The following MNAT1 variants were observed in gnomAD, a reference collection of about 807,000 sequenced individuals.
MNAT1 encodes the protein MNAT1 component of CDK activating kinase.
A neutral mutation model predicts 42.0 loss-of-function variants in MNAT1; 43 were observed. The observed-to-expected ratio is 1.02, with a 90% confidence interval of 0.80 to 1.32. MNAT1 has a LOEUF of 1.32. Among genes scored for constraint, MNAT1 ranks in the 40% most tolerant of loss-of-function variants. MNAT1 has a pLI of 0.00. For synonymous variants in MNAT1, 118 were observed against 120.0 expected (o/e 0.98, Z 0.11); for missense variants, 306 against 350.4 (o/e 0.87, Z 1.01).
At chr14:60,930,154 T>G (rs2035855587) in intron 7 of MNAT1, among the ~76,000 whole-genome samples, 1 of 151,100 alleles carries the variant, frequency 6.6e-6, no homozygotes, top group African/African-American at 2.4e-5. Context: ...AGTATTTGCT[T>G]AAGAGGATAT....
intron 1 of MNAT1, among the ~76,000 whole-genome samples, chr14:60,779,661 C>A (rs1214211723): frequency 6.6e-6 from 1 of 152,046 alleles, no homozygotes; most frequent in Non-Finnish European, 1.5e-5. Context: ...TGGTGCACGC[C>A]TGTAATCCCA....
At chr14:60,843,581 T>C (rs923888825) in intron 6 of MNAT1, among the ~76,000 whole-genome samples, 2 of 152,196 alleles carry the variant, frequency 1.3e-5, no homozygotes, top group Non-Finnish European at 2.9e-5. Flanking sequence ...CGTTTGCCTT[T>C]TTTATATCTC....
At chr14:60,831,258 C>G (rs1217672934) in intron 6 of MNAT1, among the ~76,000 whole-genome samples, 1 of 152,012 alleles carries the variant, frequency 6.6e-6, no homozygotes, top group Non-Finnish European at 1.5e-5. Flanking sequence ...ATACACGAGC[C>G]ATGGTGGTTT....
At chr14:60,935,658 T>TGACA (rs2035979629) in intron 7 of MNAT1, among the ~76,000 whole-genome samples, 1 of 152,156 alleles carries the variant, frequency 6.6e-6, no homozygotes, top group Admixed American at 6.5e-5. Flanking sequence ...GCTCACAGAA[T>TGACA]GACAAGTGAT....
At chr14:60,880,578 C>T (rs768225817) in intron 7 of MNAT1, among the ~76,000 whole-genome samples, 1 of 151,836 alleles carries the variant, frequency 6.6e-6, no homozygotes, top group Non-Finnish European at 1.5e-5. Context: ...GTGGGTAAAT[C>T]GAGTCCAAGA....
intron 1 of MNAT1, among the ~76,000 whole-genome samples, chr14:60,756,437 A>G (rs1003923039): frequency 2.0e-5 from 3 of 152,224 alleles, no homozygotes; most frequent in African/African-American, 7.2e-5. Flanking sequence ...TGAGCTAAGA[A>G]GTGCTTTTCC....
intron 6 of MNAT1, among the ~76,000 whole-genome samples, chr14:60,820,847 C>T (rs901071117): frequency 1.3e-5 from 2 of 152,258 alleles, no homozygotes; most frequent in Non-Finnish European, 2.9e-5. Context: ...CTTCCTATGT[C>T]TTCCCAGTAC....
chr14:60,738,551 G>A (rs1057503050), intron 1 of MNAT1, among the ~76,000 whole-genome samples: 1 of 150,300 alleles, frequency 6.7e-6, no homozygotes, highest in Admixed American at 6.6e-5. Flanking sequence ...CACTGCGCCC[G>A]GCCTGAGATG....
intron 6 of MNAT1, among the ~76,000 whole-genome samples, chr14:60,839,316 A>G: frequency 6.6e-6 from 1 of 152,188 alleles, no homozygotes; most frequent in Non-Finnish European, 1.5e-5. Flanking sequence ...CGTTGGGACT[A>G]CCAGCTGTGG....
rs966143583 is a variant in MNAT1 at position 60,808,381 on chromosome 14, T to C, written c.373T>C (p.Tyr125His). 1.4e-5 allele frequency: 22 copies of C among 1,586,406 alleles called. No individual in the cohort carries two copies. The highest frequency in any genetic ancestry group is 1.7e-5 in the Non-Finnish European group (20 of 1,169,566). The change falls in exon 4 of 8, where the codon TAC (tyrosine) becomes CAC (histidine). Residue 125 changes from tyrosine to histidine, a missense_variant. This residue lies in a region of MNAT1 where 118 missense variants were observed against 99.8 expected (regional missense o/e 1.18). Coordinates refer to ENST00000261245, the MANE Select transcript of MNAT1 (RefSeq NM_002431.4). Reference sequence around the variant, plus strand: ...CAACACCAAAAAGAAAATGGAGATATACCAAAAGGAAAACAAAGATGTTAT... The same window carrying C: ...CAACACCAAAAAGAAAATGGAGATACACCAAAAGGAAAACAAAGATGTTAT... Reference protein sequence around the residue: ...LDNTKKKMEIYQKENKDVIQK... With the variant: ...LDNTKKKMEIHQKENKDVIQK...
In MNAT1 at chr14:60,968,433, C is replaced by T; in HGVS notation, c.*84C>T. 1 of 1,545,964 alleles carries T rather than the reference C, an allele frequency of 6.5e-7. No individual in the cohort carries two copies. Among genetic ancestry groups the T allele is most frequent in the Non-Finnish European group, 8.7e-7 (1 of 1,149,320 alleles). On this transcript the variant is annotated 3_prime_UTR_variant, in exon 8 of 8. Transcript: ENST00000261245. Reference sequence around the variant, plus strand: ...CTTATAAAATTATAGCTATGTGCAGCTGCACAACACAGTCCTTCCACTAGC... The same window carrying T: ...CTTATAAAATTATAGCTATGTGCAGTTGCACAACACAGTCCTTCCACTAGC...
At chr14:60,879,873 A>G in intron 7 of MNAT1, 38 bp downstream of exon 7, 4 of 1,597,188 alleles carry the variant, frequency 2.5e-6, no homozygotes, top group Non-Finnish European at 3.4e-6. Context: ...AGGAGCTGAT[A>G]TGTGGGACTT....
chr14:60,872,863 C>T (rs1164583604), intron 6 of MNAT1, among the ~76,000 whole-genome samples: 2 of 147,152 alleles, frequency 1.4e-5, no homozygotes, highest in Non-Finnish European at 3.0e-5. Context: ...CACACACACA[C>T]ACACACATAT....
chr14:60,809,189 C>A (rs1178342838), intron 4 of MNAT1, among the ~76,000 whole-genome samples: 2 of 152,032 alleles, frequency 1.3e-5, no homozygotes, highest in African/African-American at 4.8e-5. Flanking sequence ...GAGGTAATTA[C>A]GTTTGAGATA....
intron 1 of MNAT1, among the ~76,000 whole-genome samples, chr14:60,751,181 CTT>C (rs916360147): frequency 2.6e-5 from 4 of 151,508 alleles, no homozygotes; most frequent in African/African-American, 9.7e-5. Context: ...GCTCCAGTCT[CTT>C]TTTTTGTGTG....
intron 7 of MNAT1, among the ~76,000 whole-genome samples, chr14:60,928,244 G>A (rs986621817): frequency 2.6e-5 from 4 of 152,132 alleles, no homozygotes; most frequent in Middle Eastern, 3.4e-3. Context: ...TATACTACAC[G>A]TTATCTATTT....
chr14:60,790,554 T>G (rs1471666936), intron 1 of MNAT1, among the ~76,000 whole-genome samples: 1 of 152,154 alleles, frequency 6.6e-6, no homozygotes. Flanking sequence ...ATCTTACACA[T>G]ATTGATTATT....
intron 7 of MNAT1, among the ~76,000 whole-genome samples, chr14:60,933,656 A>T (rs1306784494): frequency 3.3e-5 from 5 of 152,238 alleles, no homozygotes; most frequent in Admixed American, 6.5e-5. Context: ...GCATAATCAC[A>T]TCTAAAACAT....
At chr14:60,917,351 T>A (rs1020464027) in intron 7 of MNAT1, among the ~76,000 whole-genome samples, 2 of 152,208 alleles carry the variant, frequency 1.3e-5, no homozygotes, top group Admixed American at 6.5e-5. Context: ...TGAACCCCTT[T>A]ATTAAATAAT....
Sources: gnomAD v4.1 joint callset for allele counts (sites outside exome capture counted in the v4.1 genomes callset) on GRCh38, gnomAD v4.1.1 for gene constraint, gnomAD v4.1.1 regional missense constraint, MANE v1.5 for transcripts, NCBI Gene and HGNC (gene_info 2026-07-23, HGNC 2026-07-21) for gene names.